SDAD1: variants seen among roughly 807,000 people sequenced by gnomAD.
The protein encoded by SDAD1 is SDA1 domain containing 1.
Under a neutral mutation model 100.3 loss-of-function variants are expected in SDAD1, and 79 were observed. The observed-to-expected ratio is 0.79, with a 90% CI of 0.66 to 0.95. SDAD1 has a LOEUF of 0.95. Among genes scored for constraint, SDAD1 ranks in the 40% least tolerant of loss-of-function variants. The pLI, the probability that SDAD1 is intolerant of heterozygous loss-of-function variation, is 0.00. For missense variants in SDAD1, 790 were observed against 810.9 expected, an observed-to-expected ratio of 0.97 and a Z score of 0.31; for synonymous variants, 267 against 271.4, an observed-to-expected ratio of 0.98 and a Z score of 0.16.
intron 3 of SDAD1, among the ~76,000 whole-genome samples, chr4:75,980,071 T>TAA (rs1301668526): frequency 6.6e-6 from 1 of 152,196 alleles, no homozygotes; most frequent in African/African-American, 2.4e-5. Flanking sequence ...AAAGAAATCC[T>TAA]AATTACTTGG....
chr4:75,978,982 G>GAGAAAA (rs1553920329), intron 3 of SDAD1, among the ~76,000 whole-genome samples: 1 of 38,036 alleles, frequency 2.6e-5, no homozygotes, highest in Non-Finnish European at 6.4e-5. Context: ...CCCTGTCTCA[G>GAGAAAA]AAAAAAAAAA....
chr4:75,955,965 T>C lies in SDAD1; in HGVS notation c.2016+10A>G. Reference sequence around the variant, plus strand: ...CTGTTCTTGCCACCCAAGCTTCAAGTGGAACTCACCTGTTTTTCTCGGAAG... The same window carrying C: ...CTGTTCTTGCCACCCAAGCTTCAAGCGGAACTCACCTGTTTTTCTCGGAAG... On this transcript the variant is annotated intron_variant, in intron 21 of 21. Transcript: ENST00000356260. The C allele has an allele frequency of 3.2e-6, 5 of 1,586,872 alleles. No homozygotes were observed. The highest frequency in any genetic ancestry group is 4.3e-6 in the Non-Finnish European group (5 of 1,172,120).
chr4:75,986,300 G>A lies in SDAD1; in HGVS notation c.91-4263C>T, dbSNP rs371931348. ...ACTACAAACCTCAATTAAGCCCTGC[G>A]TGTACTCCAGCAATCTCATTACATT... On this transcript the variant is annotated intron_variant, in intron 1 of 21. Transcript: ENST00000356260. 2.6e-5 allele frequency among the ~76,000 whole-genome samples: 4 copies of A among 152,042 alleles called. No homozygotes were observed. In the South Asian group the frequency reaches 6.2e-4, roughly 24 times the overall value.
In SDAD1 at chr4:75,960,073, A is replaced by G. The variant is rs1729143191; in HGVS notation, c.1476T>C (p.Asn492=). The G allele has an allele frequency of 6.2e-7, 1 of 1,607,044 alleles. No homozygotes were observed. The highest frequency in any genetic ancestry group is 1.1e-5 in the South Asian group (1 of 89,712). Residue 492 remains asparagine, a synonymous_variant, in exon 17 of 22, where the codon AAT becomes AAC. Transcript: ENST00000356260. ...GGTGAAATAAAAATCAACCTTCATC[A>G]TTTTCAGCATTCTCTTCTTTCTCAA... ...LEVEKEENAE[N]DEDGWESTSL... is the part of the protein sequence containing the mutation.
rs1730779567 is a variant in SDAD1 at position 75,984,778 on chromosome 4, A to AC, written c.91-2742_91-2741insG. Among the ~76,000 whole-genome samples the AC allele has an allele frequency of 1.0e-3, 137 of 137,014 alleles. 1 individual carries two copies. The highest frequency in any genetic ancestry group is 7.5e-3 in the South Asian group (30 of 3,978). 89.9% of individuals were successfully genotyped at this position (137,014 alleles called of 152,430 possible). On this transcript the variant is annotated intron_variant, in intron 1 of 21. Coordinates refer to ENST00000356260, the MANE Select transcript of SDAD1 (RefSeq NM_018115.4). ...TATGTGACATACACACACACACACA[A>AC]ACACACACACACACACACACACACA... is the stretch of plus-strand genomic sequence containing the variant.
intron 1 of SDAD1, among the ~76,000 whole-genome samples, chr4:75,988,309 A>G (rs1339461660): frequency 6.6e-6 from 1 of 152,074 alleles, no homozygotes; most frequent in Non-Finnish European, 1.5e-5. Context: ...CTCATTCCCT[A>G]TTTGGAGCCA....
chr4:75,960,556 T>C (rs1287406770), intron 16 of SDAD1, among the ~76,000 whole-genome samples: 1 of 152,234 alleles, frequency 6.6e-6, no homozygotes, highest in African/African-American at 2.4e-5. Flanking sequence ...ATCTGTCCAC[T>C]ATTTTCTTGT....
intron 1 of SDAD1, among the ~76,000 whole-genome samples, chr4:75,984,532 G>T (rs1006032550): frequency 2.0e-5 from 3 of 152,016 alleles, no homozygotes; most frequent in African/African-American, 7.3e-5. Flanking sequence ...GGCAGGATGT[G>T]TTAACAGCCA....
In SDAD1 at chr4:75,990,901, C is replaced by A; in HGVS notation, c.-60G>T. The A allele has an allele frequency of 1.2e-6, 2 of 1,602,192 alleles. No individual in the cohort carries two copies. Among genetic ancestry groups the A allele is most frequent in the Non-Finnish European group, 1.7e-6 (2 of 1,170,770 alleles). On this transcript the variant is annotated 5_prime_UTR_variant, in exon 1 of 22. Coordinates refer to ENST00000356260, the MANE Select transcript of SDAD1 (RefSeq NM_018115.4). ...TAAAAAAACTCAGACGGCCGGCACCCCGCAATCCCTGCCAGCTGCAGCTTG... is the reference window on the plus strand; with the variant it reads ...TAAAAAAACTCAGACGGCCGGCACCACGCAATCCCTGCCAGCTGCAGCTTG...
rs769879168 is a variant in SDAD1 at position 75,961,075 on chromosome 4, G to T, written c.1309C>A (p.His437Asn). 21 of 1,613,916 alleles carry T rather than the reference G, an allele frequency of 1.3e-5. No homozygotes were observed. In the South Asian group the frequency reaches 2.1e-4, roughly 16 times the overall value. ...TGAGGATTCAGTGTTCGGAAGAGGT[G>T]AATCAAAGTTCTAGCAGACATCATT... ...NVMMSARTLI[H>N]LFRTLNPQML... The change falls in exon 16 of 22, where the codon CAC becomes AAC. Residue 437 changes from histidine to asparagine, a missense_variant. By Grantham distance (68) the His-to-Asn change is moderately conservative. Coordinates refer to ENST00000356260, the MANE Select transcript of SDAD1 (RefSeq NM_018115.4).
At chr4:75,982,780 AC>A (rs112914125) in intron 1 of SDAD1, among the ~76,000 whole-genome samples, 1 of 149,394 alleles carries the variant, frequency 6.7e-6, no homozygotes, top group Non-Finnish European at 1.5e-5. Flanking sequence ...TCAAAATCCC[AC>A]CCCCCCACTG....
chr4:75,970,290 G>A lies in SDAD1; in HGVS notation c.883+19C>T, dbSNP rs184609640. On this transcript the variant is annotated intron_variant, in intron 10 of 21. Coordinates refer to ENST00000356260, the MANE Select transcript of SDAD1 (RefSeq NM_018115.4). ...CAGAGATAAGGCCAACAAGGAACTC[G>A]GACGTCATAATAACGTACCTTGGGG... 20 of 1,604,292 alleles carry A rather than the reference G, an allele frequency of 1.2e-5. No homozygotes were observed. The highest frequency in any genetic ancestry group is 1.0e-4 in the Admixed American group (6 of 59,736).
chr4:75,962,825 T>C (rs1335825885), intron 14 of SDAD1, among the ~76,000 whole-genome samples: 2 of 152,242 alleles, frequency 1.3e-5, no homozygotes, highest in Non-Finnish European at 2.9e-5. Flanking sequence ...GCAAAAATTT[T>C]CTCCCATTCT....
At chr4:75,969,747 T>C (rs1303263649) in intron 10 of SDAD1, among the ~76,000 whole-genome samples, 1 of 152,188 alleles carries the variant, frequency 6.6e-6, no homozygotes, top group East Asian at 1.9e-4. Context: ...TGTATCTACA[T>C]GCAAGTTTGA....
At position 75,990,736 on chromosome 4, in the gene SDAD1, C is replaced by A. The variant is rs370243177; in HGVS notation, c.90+16G>T. ...CCACTATCCGGCCTCTAGCGTCTGC[C>A]GCGCCGCACTCCCACCTCCTCGATG... On this transcript the variant is annotated intron_variant, in intron 1 of 21. Coordinates refer to ENST00000356260, the MANE Select transcript of SDAD1 (RefSeq NM_018115.4). 7.9e-5 allele frequency: 128 copies of A among 1,613,560 alleles called. No homozygotes were observed. The highest frequency in any genetic ancestry group is 1.0e-4 in the Non-Finnish European group (121 of 1,179,900).
At chr4:75,990,578 A>C in intron 1 of SDAD1, 174 bp downstream of exon 1, 1 of 1,372,872 alleles carries the variant, frequency 7.3e-7, no homozygotes, top group Non-Finnish European at 1.0e-6. Flanking sequence ...GAGGTGGGGA[A>C]CGAACCCTAA....
intron 1 of SDAD1, among the ~76,000 whole-genome samples, chr4:75,988,301 C>T (rs1015034129): frequency 1.3e-5 from 2 of 152,196 alleles, no homozygotes; most frequent in African/African-American, 4.8e-5. Context: ...CCCCTTTCCT[C>T]ATTCCCTATT....
intron 1 of SDAD1, among the ~76,000 whole-genome samples, chr4:75,987,017 TAAAAA>T (rs575128764): frequency 6.7e-6 from 1 of 148,490 alleles, no homozygotes; most frequent in African/African-American, 2.5e-5. Flanking sequence ...GACTGTGTCT[TAAAAA>T]AAAAAATCCT....
intron 13 of SDAD1, among the ~76,000 whole-genome samples, chr4:75,965,243 G>A (rs1578125425): frequency 6.6e-6 from 1 of 152,226 alleles, no homozygotes; most frequent in East Asian, 1.9e-4. Flanking sequence ...CCGGTCTCCC[G>A]TGGCACTCCC....
Sources: allele counts gnomAD v4.1 joint callset (sites outside exome capture counted in the v4.1 genomes callset), GRCh38; gene constraint gnomAD v4.1.1; transcripts MANE v1.5; gene names NCBI Gene and HGNC (gene_info 2026-07-23, HGNC 2026-07-21).